WDR27: variants seen among roughly 807,000 people sequenced by gnomAD.
WDR27 encodes WD repeat-containing protein 27.
A neutral mutation model predicts 114.4 loss-of-function variants in WDR27; 100 were observed. The ratio of observed to expected loss-of-function variants is 0.87; its 90% CI spans 0.74 to 1.03. The LOEUF (loss-of-function observed/expected upper bound fraction) is 1.03. WDR27 is among the 50% of genes least tolerant of loss of function. The pLI is 0.00. For synonymous variants in WDR27, 449 were observed against 423.1 expected (o/e 1.06, Z -0.75); for missense variants, 1,129 against 1,092.9 (o/e 1.03, Z -0.47).
intron 1 of WDR27, among the ~76,000 whole-genome samples, chr6:169,699,618 C>G (rs1204507395): frequency 6.6e-6 from 1 of 152,108 alleles, no homozygotes; most frequent in East Asian, 1.9e-4. Context: ...TGGCAGCCTT[C>G]CAAGACAGCA....
At chr6:169,437,940 G>A in the WDR27 span, among the ~76,000 whole-genome samples, 1 of 151,974 alleles carries the variant, frequency 6.6e-6, no homozygotes, top group South Asian at 2.1e-4. Flanking sequence ...GCGGGTATAT[G>A]TTCAGGTTTG....
At chr6:169,540,887 C>A in intron 25 of WDR27, among the ~76,000 whole-genome samples, 1 of 152,270 alleles carries the variant, frequency 6.6e-6, no homozygotes, top group South Asian at 2.1e-4. Flanking sequence ...GGATTCTGTG[C>A]CTTCTCTGTT....
At chr6:169,665,352 T>C in intron 7 of WDR27, 134 bp downstream of exon 7, 4 of 1,428,304 alleles carry the variant, frequency 2.8e-6, no homozygotes, top group Non-Finnish European at 9.2e-7. Context: ...GAAGGTCACG[T>C]TCTCAGCACT....
At position 169,630,896 on chromosome 6, in the gene WDR27, A is replaced by ATCAG. The variant is rs1816172604; in HGVS notation, c.2223+2050_2223+2051insCTGA. On this transcript the variant is annotated intron_variant, in intron 21 of 25. Coordinates refer to ENST00000448612, the MANE Select transcript of WDR27 (RefSeq NM_182552.5). Reference sequence around the variant, plus strand: ...GAGACAGAGGAAGATTCCATCTCAAATCAATCAATCAATCAATAAGGTGGG... The same window carrying ATCAG: ...GAGACAGAGGAAGATTCCATCTCAAATCAGTCAATCAATCAATCAATAAGGTGGG... 2.6e-5 allele frequency among the ~76,000 whole-genome samples: 4 copies of ATCAG among 151,858 alleles called. 1 individual carries two copies. The Middle Eastern group carries it at 0.014, about 517-fold the overall frequency.
chr6:169,629,026 A>G (rs1035729127), intron 21 of WDR27, among the ~76,000 whole-genome samples: 3 of 152,256 alleles, frequency 2.0e-5, no homozygotes, highest in Non-Finnish European at 4.4e-5. Context: ...TAACAGAGAA[A>G]AGCTTTATAT....
chr6:169,507,218 T>C (rs1330283815), intron 25 of WDR27, among the ~76,000 whole-genome samples: 12 of 152,254 alleles, frequency 7.9e-5, no homozygotes, highest in Non-Finnish European at 1.8e-4. Flanking sequence ...ATGTGGCATC[T>C]ATAAGCTGCC....
intron 25 of WDR27, among the ~76,000 whole-genome samples, chr6:169,461,077 A>G (rs1342375116): frequency 6.6e-6 from 1 of 152,210 alleles, no homozygotes; most frequent in Non-Finnish European, 1.5e-5. Context: ...AGAAATATAA[A>G]TATTATAAAC....
At chr6:169,564,464 C>T (rs1350563923) in intron 25 of WDR27, among the ~76,000 whole-genome samples, 1 of 152,360 alleles carries the variant, frequency 6.6e-6, no homozygotes, top group South Asian at 2.1e-4. Flanking sequence ...TTCACCATCA[C>T]GGTGGCACAG....
At chr6:169,568,967 C>T (rs1382198811) in intron 25 of WDR27, among the ~76,000 whole-genome samples, 1 of 152,150 alleles carries the variant, frequency 6.6e-6, no homozygotes, top group Non-Finnish European at 1.5e-5. Context: ...AAGCCGCATG[C>T]CCCTGGTTTG....
intron 8 of WDR27, among the ~76,000 whole-genome samples, chr6:169,662,941 C>G (rs1289753148): frequency 6.8e-6 from 1 of 147,500 alleles, no homozygotes; most frequent in Non-Finnish European, 1.5e-5. Flanking sequence ...GCATTCAGAT[C>G]ACGCGTCAAG....
At chr6:169,697,781 C>A (rs1786603274) in intron 1 of WDR27, among the ~76,000 whole-genome samples, 2 of 152,222 alleles carry the variant, frequency 1.3e-5, no homozygotes. Flanking sequence ...TGGCCACTCT[C>A]CTTATCCTGC....
intron 21 of WDR27, among the ~76,000 whole-genome samples, chr6:169,616,217 G>A (rs987296539): frequency 6.6e-6 from 1 of 152,150 alleles, no homozygotes; most frequent in African/African-American, 2.4e-5. Context: ...CTAGCTGGGT[G>A]CAGTGGCTCA....
chr6:169,554,382 C>T (rs1390256791), intron 25 of WDR27, among the ~76,000 whole-genome samples: 7 of 152,202 alleles, frequency 4.6e-5, no homozygotes, highest in Non-Finnish European at 8.8e-5. Flanking sequence ...CAAGAAAATA[C>T]GAGCAAAGCT....
chr6:169,574,262 G>T (rs1259245997), intron 24 of WDR27, among the ~76,000 whole-genome samples: 3 of 152,196 alleles, frequency 2.0e-5, no homozygotes, highest in African/African-American at 4.8e-5. Flanking sequence ...GAATAATTTT[G>T]TAAGTACAAG....
rs1240932147 is a variant in WDR27, at chr6:169,670,828, G to A, written c.332-135C>T. ...TGACAATGAGCTTTGATGTGATTTT[G>A]ATTCTTTAAGAATATCAAAAATACT... On this transcript the variant is annotated intron_variant, in intron 3 of 25. Coordinates refer to ENST00000448612, the MANE Select transcript of WDR27 (RefSeq NM_182552.5). 3 of 1,234,142 alleles carry A rather than the reference G, an allele frequency of 2.4e-6. 1 individual carries two copies. The highest frequency in any genetic ancestry group is 4.8e-5 in the East Asian group (2 of 41,396). 76.4% of individuals were successfully genotyped at this position (1,234,142 alleles called of 1,614,324 possible). A position where few individuals can be genotyped will look rare whatever the true frequency, so the allele number is the denominator to read the frequency against.
chr6:169,561,124 G>A (rs73792947), intron 25 of WDR27, among the ~76,000 whole-genome samples: 2,594 of 152,182 alleles, frequency 0.017, 64 homozygotes, highest in African/African-American at 0.057. Context: ...ATCTCTCACC[G>A]TCCTGGAGGC....
intron 21 of WDR27, among the ~76,000 whole-genome samples, chr6:169,621,564 A>G (rs948229684): frequency 3.9e-5 from 6 of 152,092 alleles, no homozygotes. Flanking sequence ...ACACGCATTC[A>G]TGCATATACA....
At chr6:169,453,881 T>G (rs1392763814), downstream of WDR27, among the ~76,000 whole-genome samples, 1 of 152,172 alleles carries the variant, frequency 6.6e-6, no homozygotes, top group South Asian at 2.1e-4. Context: ...TCACCAACAT[T>G]AACTGTCAGC....
intron 2 of WDR27, among the ~76,000 whole-genome samples, chr6:169,673,249 A>G (rs1181767827): frequency 4.6e-5 from 7 of 152,182 alleles, no homozygotes; most frequent in Non-Finnish European, 1.0e-4. Context: ...GTCCATAGTA[A>G]GCTGAGATGC....
Sources: allele counts gnomAD v4.1 joint callset (sites outside exome capture counted in the v4.1 genomes callset), GRCh38; gene constraint gnomAD v4.1.1; transcripts MANE v1.5; gene names NCBI Gene and HGNC (gene_info 2026-07-23, HGNC 2026-07-21).